SLC45A1: variants seen among roughly 807,000 people sequenced by gnomAD.
SLC45A1 encodes proton-associated sugar transporter A.
Under a neutral mutation model 57.6 loss-of-function variants are expected in SLC45A1, and 28 were observed. The ratio of observed to expected loss-of-function variants is 0.49; its 90% CI spans 0.36 to 0.67. The LOEUF (loss-of-function observed/expected upper bound fraction) is 0.67. Ranked by LOEUF, SLC45A1 falls within the 30% of genes least tolerant of loss-of-function variation. The pLI, the probability that SLC45A1 is intolerant of heterozygous loss-of-function variation, is 0.00. For synonymous variants in SLC45A1, 459 were observed against 471.5 expected, an observed-to-expected ratio of 0.97 and a Z score of 0.34; for missense variants, 814 against 1,041.5, an observed-to-expected ratio of 0.78 and a Z score of 3.01.
intron 1 of SLC45A1, among the ~76,000 whole-genome samples, chr1:8,319,502 A>G (rs1569917485): frequency 1.3e-5 from 2 of 152,242 alleles, no homozygotes; most frequent in African/African-American, 4.8e-5. Context: ...TACTTTAAGC[A>G]TCCTCTGTAC....
rs1332053811 is a variant in SLC45A1, at chr1:8,327,172, A to T, written c.715+1130A>T. On this transcript the variant is annotated intron_variant, in intron 4 of 8. Coordinates refer to ENST00000471889, the MANE Select transcript of SLC45A1 (RefSeq NM_001080397.3). The surrounding 1 kb of genome is among the most constrained non-coding windows in gnomAD (Gnocchi z 4.3). Reference sequence around the variant, plus strand: ...GATTGGTTCTGAGTTTTCCTCACTAAATGAGGAGGTGAATTCACAAATACA... The same window carrying T: ...GATTGGTTCTGAGTTTTCCTCACTATATGAGGAGGTGAATTCACAAATACA... Among the ~76,000 whole-genome samples, 6 of 152,146 alleles carry T rather than the reference A, an allele frequency of 3.9e-5. 1 individual carries two copies. Among genetic ancestry groups the T allele is most frequent in the Non-Finnish European group, 1.5e-5 (1 of 68,026 alleles).
In SLC45A1 at chr1:8,330,798, G is replaced by A; in HGVS notation, c.1305G>A (p.Leu435=). Residue 435 remains leucine, a synonymous_variant, in exon 5 of 9, where the codon CTG becomes CTA. Transcript: ENST00000471889. This position sits in a 1 kb window ranked among gnomAD's most constrained non-coding sequence, Gnocchi z 8.4. The stretch of plus-strand genomic sequence containing the variant: ...CCTCCGGCTGTGACGGGGACATTCT[G>A]AGGGTGGGCTCCTTGGACACCTCTA... ...ALTSGCDGDI[L]RVGSLDTSKP... is the part of the protein sequence containing the mutation. 6.2e-7 allele frequency: 1 copy of A among 1,613,482 alleles called. No homozygotes were observed. The highest frequency in any genetic ancestry group is 1.1e-5 in the South Asian group (1 of 91,086).
rs1640203579 is a variant in SLC45A1 at position 8,326,347 on chromosome 1, G to A, written c.715+305G>A. On this transcript the variant is annotated intron_variant, in intron 4 of 8. Transcript: ENST00000471889. The surrounding 1 kb of genome is among the most constrained non-coding windows in gnomAD (Gnocchi z 5.5). ...CACAAACACTGAATTAGCAAACACC[G>A]CATCTCGCTCCTAGGAAAAATACAG... Among the ~76,000 whole-genome samples, 1 of 152,164 alleles carries A rather than the reference G, an allele frequency of 6.6e-6. No individual in the cohort carries two copies. Among genetic ancestry groups the A allele is most frequent in the South Asian group, 2.1e-4 (1 of 4,828 alleles).
At chr1:8,334,482 CT>C (rs1410619573) in intron 5 of SLC45A1, among the ~76,000 whole-genome samples, 1 of 152,226 alleles carries the variant, frequency 6.6e-6, no homozygotes, top group African/African-American at 2.4e-5. Flanking sequence ...GGGAGGACCA[CT>C]TGAGGCCAGG....
rs1240077366 is a variant in SLC45A1 at position 8,330,481 on chromosome 1, A to T, written c.988A>T (p.Thr330Ser). 1 of 1,612,762 alleles carries T rather than the reference A, an allele frequency of 6.2e-7. No homozygotes were observed. The highest frequency in any genetic ancestry group is 1.1e-5 in the South Asian group (1 of 91,066). The change falls in exon 5 of 9, where the codon ACG becomes TCG. Residue 330 changes from threonine (T) to serine (S), a missense_variant. Transcript: ENST00000471889. The surrounding 1 kb of genome is among the most constrained non-coding windows in gnomAD (Gnocchi z 8.4). ...EGPGDSLPSHTATNFSSPISP... is the reference protein window; with the variant it reads ...EGPGDSLPSHSATNFSSPISP... ...CCCTGGCGACAGCCTCCCGTCGCAC[A>T]CGGCCACCAACTTCTCCAGCCCCAT...
chr1:8,335,288 G>C lies in SLC45A1; in HGVS notation c.1444-149G>C, dbSNP rs528782898. The C allele has an allele frequency of 2.7e-6, 2 of 742,004 alleles. No individual in the cohort carries two copies. The highest frequency in any genetic ancestry group is 3.0e-5 in the Admixed American group (1 of 33,150). 46.0% of individuals were successfully genotyped at this position (742,004 alleles called of 1,614,324 possible). ...AATTTGTTCCTCTGAGGTTGGCGTC[G>C]ACACGGGGCTCATGCCGTCAGATAA... On this transcript the variant is annotated intron_variant, in intron 5 of 8. Transcript: ENST00000471889. This position sits in a 1 kb window ranked among gnomAD's most constrained non-coding sequence, Gnocchi z 4.1.
intron 1 of SLC45A1, among the ~76,000 whole-genome samples, chr1:8,324,014 C>T (rs1187506663): frequency 1.3e-5 from 2 of 152,178 alleles, no homozygotes; most frequent in Non-Finnish European, 2.9e-5. Context: ...CTCTCACTTC[C>T]TCAGGACAGT....
At chr1:8,333,053 G>A (rs1385027835) in intron 5 of SLC45A1, among the ~76,000 whole-genome samples, 2 of 150,212 alleles carry the variant, frequency 1.3e-5, no homozygotes, top group Non-Finnish European at 3.0e-5. Context: ...CACGTGGGCC[G>A]TGTCTCCTGA....
chr1:8,322,280 A>G (rs776874489), intron 1 of SLC45A1, among the ~76,000 whole-genome samples: 2 of 194 alleles, frequency 0.01, no homozygotes, highest in Non-Finnish European at 0.019. Flanking sequence ...GGATGGATGG[A>G]TGGATGGATG....
Position 8,325,901 on chromosome 1 carries a change from G to A in SLC45A1, c.574G>A (p.Gly192Ser). 1 of 1,614,062 alleles carries A rather than the reference G, an allele frequency of 6.2e-7. No individual in the cohort carries two copies. The highest frequency in any genetic ancestry group is 2.2e-5 in the East Asian group (1 of 44,888). ...TGACGTGACCGGGAACCACAAGTGG[G>A]GCCTGCTGCTGACCGTGTGCGGTGT... ...LADVTGNHKWGLLLTVCGVVL... is the reference protein window; with the variant it reads ...LADVTGNHKWSLLLTVCGVVL... Residue 192 changes from glycine (G) to serine (S), a missense_variant, in exon 4 of 9, where the codon GGC becomes AGC. Gly to Ser is a moderately conservative substitution (Grantham distance 56, BLOSUM62 0). Transcript: ENST00000471889. This position sits in a 1 kb window ranked among gnomAD's most constrained non-coding sequence, Gnocchi z 6.3.
chr1:8,330,451 G>C lies in SLC45A1; in HGVS notation c.958G>C (p.Glu320Gln). Residue 320 changes from glutamate (E) to glutamine (Q), a missense_variant, in exon 5 of 9, where the codon GAA becomes CAA. Glu to Gln is a conservative substitution (Grantham distance 29, BLOSUM62 2). Coordinates refer to ENST00000471889, the MANE Select transcript of SLC45A1 (RefSeq NM_001080397.3). The surrounding 1 kb of genome is among the most constrained non-coding windows in gnomAD (Gnocchi z 8.4). ...CCCGTCCCCACCCGTCCTGCCAGAG[G>C]AAGGCCCTGGCGACAGCCTCCCGTC... ...LPPSPPVLPE[E>Q]GPGDSLPSHT... The C allele has an allele frequency of 6.2e-7, 1 of 1,611,868 alleles. No homozygotes were observed. The highest frequency in any genetic ancestry group is 1.7e-5 in the Admixed American group (1 of 59,964).
At position 8,335,184 on chromosome 1, in the gene SLC45A1, G is replaced by A. The variant is rs1368220021; in HGVS notation, c.1444-253G>A. Among the ~76,000 whole-genome samples, 1 of 152,214 alleles carries A rather than the reference G, an allele frequency of 6.6e-6. No individual in the cohort carries two copies. The highest frequency in any genetic ancestry group is 1.9e-4 in the East Asian group (1 of 5,198). On this transcript the variant is annotated intron_variant, in intron 5 of 8. Transcript: ENST00000471889. This position sits in a 1 kb window ranked among gnomAD's most constrained non-coding sequence, Gnocchi z 4.1. ...TCTCACTCCCTGTGGCACAGATAGTGTCCTGTGGCCACACTGTGGGCACAC... is the reference window on the plus strand; with the variant it reads ...TCTCACTCCCTGTGGCACAGATAGTATCCTGTGGCCACACTGTGGGCACAC...
intron 1 of SLC45A1, among the ~76,000 whole-genome samples, chr1:8,319,125 A>T (rs1464280349): frequency 6.6e-6 from 1 of 152,160 alleles, no homozygotes; most frequent in Non-Finnish European, 1.5e-5. Context: ...TACTAAAAAT[A>T]CAAAATTAGC....
chr1:8,323,546 C>T (rs1429966909), intron 1 of SLC45A1, among the ~76,000 whole-genome samples: 1 of 151,662 alleles, frequency 6.6e-6, no homozygotes, highest in African/African-American at 2.4e-5. Flanking sequence ...ATCTGTTTCT[C>T]AGCTCTCCCT....
intron 1 of SLC45A1, 142 bp from the exon 2 acceptor site, chr1:8,324,164 C>T: frequency 1.3e-6 from 1 of 763,432 alleles, no homozygotes; most frequent in South Asian, 1.8e-5. Flanking sequence ...GAAAGTGAGG[C>T]CCCGGAGCAT....
In SLC45A1 at chr1:8,340,070, CA is replaced by C. The variant is rs550714335; in HGVS notation, c.1980+373del. Among the ~76,000 whole-genome samples the C allele has an allele frequency of 3.3e-5, 5 of 152,280 alleles. No homozygotes were observed. The South Asian group carries it at 1.0e-3, about 32-fold the overall frequency. Reference sequence around the variant, plus strand: ...GGGAGGCAGTGAAGCTCGGAAAACTCAGCAATCCAGATCGATAACATGTTAA... The same window carrying C: ...GGGAGGCAGTGAAGCTCGGAAAACTCGCAATCCAGATCGATAACATGTTAA... On this transcript the variant is annotated intron_variant, in intron 8 of 8. Transcript: ENST00000471889.
In SLC45A1 at chr1:8,330,267, C is replaced by T. The variant is rs150216502; in HGVS notation, c.774C>T (p.Phe258=). 4.3e-5 allele frequency: 70 copies of T among 1,613,766 alleles called. No homozygotes were observed. The highest frequency in any genetic ancestry group is 3.3e-4 in the Middle Eastern group (2 of 6,084). ...VGGIHWDKTG[F]GRALGGQLRV... Reference sequence around the variant, plus strand: ...GAATCCACTGGGATAAAACGGGCTTCGGGAGGGCCCTGGGGGGACAGCTCC... The same window carrying T: ...GAATCCACTGGGATAAAACGGGCTTTGGGAGGGCCCTGGGGGGACAGCTCC... The change falls in exon 5 of 9, where the codon TTC becomes TTT. Residue 258 remains phenylalanine (F), a synonymous_variant. Coordinates refer to ENST00000471889, the MANE Select transcript of SLC45A1 (RefSeq NM_001080397.3). The surrounding 1 kb of genome is among the most constrained non-coding windows in gnomAD (Gnocchi z 8.4).
chr1:8,339,809 A>G, intron 8 of SLC45A1, 111 bp downstream of exon 8: 2 of 1,049,060 alleles, frequency 1.9e-6, no homozygotes, highest in Admixed American at 3.6e-5. Context: ...CAAAATGTCA[A>G]GACAGCGACC....
intron 1 of SLC45A1, among the ~76,000 whole-genome samples, chr1:8,324,085 C>T (rs544720963): frequency 3.3e-5 from 5 of 152,252 alleles, no homozygotes; most frequent in East Asian, 1.9e-4. Flanking sequence ...ACCTGCAGGA[C>T]GGGGGTCCTC....
Sources: gnomAD v4.1 joint callset for allele counts (sites outside exome capture counted in the v4.1 genomes callset) on GRCh38, gnomAD v4.1.1 for gene constraint, Gnocchi (gnomAD v3.1) non-coding constraint, MANE v1.5 for transcripts, NCBI Gene and HGNC (gene_info 2026-07-23, HGNC 2026-07-21) for gene names.